HSD17B4: variants seen among roughly 807,000 people sequenced by gnomAD.
HSD17B4 encodes the protein hydroxysteroid 17-beta dehydrogenase 4.
A neutral mutation model predicts 101.0 loss-of-function variants in HSD17B4; 70 were observed. The ratio of observed to expected loss-of-function variants is 0.69; its 90% CI spans 0.57 to 0.85. HSD17B4 has a LOEUF of 0.85. Ranked by LOEUF, HSD17B4 falls within the 40% of genes least tolerant of loss-of-function variation. The pLI, the probability that HSD17B4 is intolerant of heterozygous loss-of-function variation, is 0.00. For synonymous variants in HSD17B4, 347 were observed against 297.1 expected (o/e 1.17, Z -1.73); for missense variants, 984 against 892.4 (o/e 1.10, Z -1.31).
intron 11 of HSD17B4, 55 bp from the exon 12 acceptor site, chr5:119,496,488 T>G: frequency 1.1e-6 from 1 of 938,250 alleles, no homozygotes; most frequent in Non-Finnish European, 1.8e-6. Context: ...GTAGCTTTTC[T>G]TAGTCACATC....
intron 8 of HSD17B4, among the ~76,000 whole-genome samples, chr5:119,488,737 G>C (rs1228536130): frequency 6.6e-6 from 1 of 152,086 alleles, no homozygotes; most frequent in African/African-American, 2.4e-5. Flanking sequence ...TGCCTACCCT[G>C]GTGGTCTAGT....
At chr5:119,529,714 A>G (rs1753892092) in intron 20 of HSD17B4, among the ~76,000 whole-genome samples, 180 bp from the exon 21 acceptor site, 1 of 152,212 alleles carries the variant, frequency 6.6e-6, no homozygotes, top group African/African-American at 2.4e-5. Context: ...ATTAAATCAG[A>G]AAGCCTTTAT....
At chr5:119,474,164 T>C (rs1748337894) in intron 3 of HSD17B4, 149 bp downstream of exon 3, 5 of 675,424 alleles carry the variant, frequency 7.4e-6, no homozygotes, top group African/African-American at 7.3e-5. Context: ...ATTTTATATA[T>C]GTGAGAATTG....
intron 8 of HSD17B4, among the ~76,000 whole-genome samples, chr5:119,480,747 CTG>C (rs1255385997): frequency 6.6e-6 from 1 of 152,140 alleles, no homozygotes; most frequent in Non-Finnish European, 1.5e-5. Flanking sequence ...CTATGGGAGA[CTG>C]GAGTTTATTT....
chr5:119,501,030 A>G (rs1382249837), intron 13 of HSD17B4, among the ~76,000 whole-genome samples: 1 of 152,096 alleles, frequency 6.6e-6, no homozygotes, highest in African/African-American at 2.4e-5. Context: ...ATTTTATTAG[A>G]GTGTTTCATG....
intron 7 of HSD17B4, among the ~76,000 whole-genome samples, chr5:119,478,588 G>A (rs1214894285): frequency 1.4e-4 from 21 of 152,138 alleles, no homozygotes; most frequent in Admixed American, 1.3e-3. Flanking sequence ...TGGTTGTAAA[G>A]CATAAGTCTA....
chr5:119,510,345 G>A (rs948673965), intron 16 of HSD17B4, among the ~76,000 whole-genome samples: 6 of 152,096 alleles, frequency 3.9e-5, no homozygotes, highest in African/African-American at 1.2e-4. Context: ...TTTCTCTTAT[G>A]CAAGATAATT....
chr5:119,526,220 A>T (rs890389588), intron 19 of HSD17B4, among the ~76,000 whole-genome samples, 197 bp downstream of exon 19: 5 of 151,728 alleles, frequency 3.3e-5, no homozygotes, highest in African/African-American at 1.2e-4. Flanking sequence ...ACCAGGAAGG[A>T]TGCACAGTTG....
chr5:119,491,628 A>G (rs1416270112), intron 9 of HSD17B4, among the ~76,000 whole-genome samples: 1 of 152,124 alleles, frequency 6.6e-6, no homozygotes, highest in Non-Finnish European at 1.5e-5. Flanking sequence ...TCAAATACTC[A>G]TTTTATTTGG....
intron 19 of HSD17B4, among the ~76,000 whole-genome samples, chr5:119,526,255 G>C (rs1209623892): frequency 6.6e-6 from 1 of 150,472 alleles, no homozygotes; most frequent in Non-Finnish European, 1.5e-5. Flanking sequence ...TAACTGGGTT[G>C]CTTTATAAAT....
intron 9 of HSD17B4, among the ~76,000 whole-genome samples, chr5:119,491,688 T>G (rs1471799901): frequency 6.6e-6 from 1 of 152,154 alleles, no homozygotes; most frequent in Non-Finnish European, 1.5e-5. Flanking sequence ...GACATTTATT[T>G]GGATCTCATG....
intron 17 of HSD17B4, among the ~76,000 whole-genome samples, chr5:119,517,917 G>C (rs888293719): frequency 4.6e-5 from 7 of 152,278 alleles, no homozygotes; most frequent in African/African-American, 1.7e-4. Context: ...CCTTTGTGTT[G>C]ATACTCTGTA....
intron 15 of HSD17B4, 105 bp downstream of exon 15, chr5:119,506,994 C>T: frequency 3.3e-6 from 2 of 611,258 alleles, no homozygotes; most frequent in Non-Finnish European, 5.8e-6. Context: ...TATTTGTCTT[C>T]CAATTTGTTA....
chr5:119,503,479 T>G (rs1751373251), intron 14 of HSD17B4, among the ~76,000 whole-genome samples: 2 of 152,174 alleles, frequency 1.3e-5, no homozygotes, highest in East Asian at 3.9e-4. Context: ...ATGTGAATGT[T>G]CAAAATATGA....
intron 12 of HSD17B4, among the ~76,000 whole-genome samples, chr5:119,498,897 A>G (rs1357289297): frequency 2.6e-5 from 4 of 151,980 alleles, no homozygotes; most frequent in Non-Finnish European, 4.4e-5. Flanking sequence ...ACAAACAGAA[A>G]CCATTATGAG....
rs200867795 is a variant in HSD17B4, at chr5:119,496,606, A to G, written c.932A>G (p.Asn311Ser). The G allele has an allele frequency of 2.0e-5, 32 of 1,606,866 alleles. No individual in the cohort carries two copies. The highest frequency in any genetic ancestry group is 2.7e-5 in the Non-Finnish European group (32 of 1,173,412). The change falls in exon 12 of 24, where the codon AAT (asparagine) becomes AGT (serine). Residue 311 changes from asparagine (N) to serine (S), a missense_variant. Coordinates refer to ENST00000510025, the MANE Select transcript of HSD17B4 (RefSeq NM_000414.4). The part of the protein sequence containing the change: ...KIDSEGGVSA[N>S]HTSRATSTAT... ...GATTCAGAAGGAGGAGTTTCAGCAA[A>G]TCATACTAGTCGTGCAACGTCTACA...
At chr5:119,465,059 C>T (rs1755678260) in intron 2 of HSD17B4, among the ~76,000 whole-genome samples, 1 of 150,392 alleles carries the variant, frequency 6.6e-6, no homozygotes, top group South Asian at 2.1e-4. Flanking sequence ...ATCACTGGTT[C>T]CCTGGTTGTC....
At chr5:119,540,052 G>A (rs1213455952) in intron 23 of HSD17B4, among the ~76,000 whole-genome samples, 1 of 152,078 alleles carries the variant, frequency 6.6e-6, no homozygotes, top group East Asian at 1.9e-4. Context: ...TGATCATGCA[G>A]CTGTAGCCTG....
At chr5:119,504,400 A>G (rs1464190455) in intron 14 of HSD17B4, among the ~76,000 whole-genome samples, 1 of 152,126 alleles carries the variant, frequency 6.6e-6, no homozygotes, top group Non-Finnish European at 1.5e-5. Flanking sequence ...TCCCTCCAAC[A>G]GTGTATAAAT....
Sources: allele counts gnomAD v4.1 joint callset (sites outside exome capture counted in the v4.1 genomes callset), GRCh38; gene constraint gnomAD v4.1.1; transcripts MANE v1.5; gene names NCBI Gene and HGNC (gene_info 2026-07-23, HGNC 2026-07-21).